Variants in AP4S1 observed in about 807,000 individuals in gnomAD.
The protein encoded by AP4S1 is adaptor related protein complex 4 subunit sigma 1, also known as AP-4 complex subunit sigma-1.
A neutral mutation model predicts 19.8 loss-of-function variants in AP4S1; 23 were observed. That is an observed-to-expected ratio of 1.16 (90% CI 0.84 to 1.65). The LOEUF (loss-of-function observed/expected upper bound fraction) is 1.65. Among genes scored for constraint, AP4S1 ranks in the 40% most tolerant of loss-of-function variants. The probability of loss-of-function intolerance (pLI) is 0.00; values close to 1 mark genes in which losing one functional copy is unlikely to be tolerated. For synonymous variants in AP4S1, 46 were observed against 54.1 expected (o/e 0.85, Z 0.66); for missense variants, 166 against 172.8 (o/e 0.96, Z 0.22).
chr14:31,070,005 G>C, intron 3 of AP4S1, 76 bp downstream of exon 3: 7 of 1,305,790 alleles, frequency 5.4e-6, no homozygotes, highest in Non-Finnish European at 7.7e-6. Context: ...TGACTCTCTT[G>C]ATTTTTTTTA....
chr14:31,054,981 A>T (rs1886025933), intron 1 of AP4S1, among the ~76,000 whole-genome samples: 1 of 151,250 alleles, frequency 6.6e-6, no homozygotes, highest in Admixed American at 6.6e-5. Flanking sequence ...TCTCCCAAAA[A>T]GACATAACCT....
intron 1 of AP4S1, among the ~76,000 whole-genome samples, chr14:31,055,942 C>T (rs1886088953): frequency 6.6e-6 from 1 of 150,920 alleles, no homozygotes; most frequent in Admixed American, 6.6e-5. Context: ...CTCCTGGGTT[C>T]AAGCGATTCC....
At chr14:31,063,849 C>T (rs1053564944) in intron 1 of AP4S1, among the ~76,000 whole-genome samples, 8 of 152,132 alleles carry the variant, frequency 5.3e-5, no homozygotes, top group Non-Finnish European at 7.4e-5. Context: ...CTAACAATGG[C>T]CATCTTTGCA....
chr14:31,049,428 A>AAAAAAATAAATATATAT (rs1384450221), intron 1 of AP4S1, among the ~76,000 whole-genome samples: 1 of 57,768 alleles, frequency 1.7e-5, no homozygotes, highest in Non-Finnish European at 2.9e-5. Context: ...AAAAAAAAAA[A>AAAAAAATAAATATATAT]ATATATATAT....
chr14:31,083,629 C>T, intron 5 of AP4S1: 1 of 447,130 alleles, frequency 2.2e-6, no homozygotes, highest in South Asian at 1.6e-5. Flanking sequence ...CTCAGCCTCC[C>T]AAGTAGCTGG....
At chr14:31,045,008 T>C (rs1010560350) in intron 1 of AP4S1, among the ~76,000 whole-genome samples, 1 of 151,434 alleles carries the variant, frequency 6.6e-6, no homozygotes, top group Non-Finnish European at 1.5e-5. Flanking sequence ...TTCAAGCAGT[T>C]CTCGTGCCTC....
chr14:31,081,655 TATAA>T (rs1443304875), intron 5 of AP4S1, among the ~76,000 whole-genome samples: 26 of 151,376 alleles, frequency 1.7e-4, no homozygotes, highest in Non-Finnish European at 3.4e-4. Flanking sequence ...AATGTTTATA[TATAA>T]ATATTTATAT....
chr14:31,026,105 G>A (rs1306467440), intron 1 of AP4S1: 3 of 1,525,536 alleles, frequency 2.0e-6, no homozygotes, highest in Non-Finnish European at 8.8e-7. Context: ...AAAGGCCCAG[G>A]TTCCCCCCAG....
At chr14:31,089,168 A>T (rs1329738915) in intron 5 of AP4S1, among the ~76,000 whole-genome samples, 7 of 151,444 alleles carry the variant, frequency 4.6e-5, no homozygotes, top group Non-Finnish European at 8.8e-5. Flanking sequence ...TTAACCAAAA[A>T]AAAAAAAAAA....
intron 1 of AP4S1, among the ~76,000 whole-genome samples, chr14:31,055,345 A>G (rs1426603655): frequency 6.6e-6 from 1 of 152,098 alleles, no homozygotes; most frequent in Non-Finnish European, 1.5e-5. Flanking sequence ...TTCACCAGGG[A>G]AAAGACAACA....
chr14:31,079,514 A>G (rs1887528281), intron 4 of AP4S1, among the ~76,000 whole-genome samples: 2 of 152,084 alleles, frequency 1.3e-5, no homozygotes, highest in South Asian at 4.1e-4. Context: ...TGAACCTAAA[A>G]CTGCTCTTTA....
At chr14:31,070,097 C>T (rs902203907) in intron 3 of AP4S1, among the ~76,000 whole-genome samples, 168 bp downstream of exon 3, 8 of 152,062 alleles carry the variant, frequency 5.3e-5, no homozygotes, top group Admixed American at 2.6e-4. Flanking sequence ...CAGGTTGAAG[C>T]GATTCCCCTG....
At chr14:31,030,682 C>T (rs1884337182) in intron 1 of AP4S1, among the ~76,000 whole-genome samples, 1 of 152,034 alleles carries the variant, frequency 6.6e-6, no homozygotes, top group South Asian at 2.1e-4. Context: ...TACTGATTGG[C>T]TACGATTTTT....
intron 1 of AP4S1, chr14:31,026,373 T>A: frequency 4.9e-6 from 1 of 205,044 alleles, no homozygotes; most frequent in Non-Finnish European, 8.1e-6. Flanking sequence ...CAATCCCTCC[T>A]CCATCTGCCC....
chr14:31,037,829 C>T (rs1426846279), intron 1 of AP4S1, among the ~76,000 whole-genome samples: 1 of 152,138 alleles, frequency 6.6e-6, no homozygotes, highest in Non-Finnish European at 1.5e-5. Context: ...TGGCATTTGC[C>T]TGTAGTCTTA....
At chr14:31,031,892 C>G (rs1170811083) in intron 1 of AP4S1, among the ~76,000 whole-genome samples, 3 of 148,852 alleles carry the variant, frequency 2.0e-5, no homozygotes, top group African/African-American at 7.5e-5. Flanking sequence ...TCAACAATGC[C>G]TATTTGCCAG....
intron 1 of AP4S1, 126 bp downstream of exon 1, chr14:31,025,913 G>A (rs1465029998): frequency 3.1e-6 from 5 of 1,600,874 alleles, no homozygotes; most frequent in Non-Finnish European, 4.3e-6. Context: ...CCTGCAGTTC[G>A]GCCCGTTCCA....
intron 4 of AP4S1, among the ~76,000 whole-genome samples, chr14:31,077,724 T>G (rs912242282): frequency 2.6e-4 from 39 of 149,752 alleles, no homozygotes; most frequent in African/African-American, 8.1e-4. Context: ...GCCATTTTTG[T>G]TTTTTTTCTT....
At chr14:31,027,716 A>G (rs901586069) in intron 1 of AP4S1, among the ~76,000 whole-genome samples, 27 of 152,208 alleles carry the variant, frequency 1.8e-4, no homozygotes, top group African/African-American at 6.5e-4. Flanking sequence ...AGACAAGGCT[A>G]ATATTTTAAG....
Sources: gnomAD v4.1 joint callset for allele counts (sites outside exome capture counted in the v4.1 genomes callset) on GRCh38, gnomAD v4.1.1 for gene constraint, MANE v1.5 for transcripts, NCBI Gene and HGNC (gene_info 2026-07-23, HGNC 2026-07-21) for gene names.